ATAD2B: variants seen among roughly 807,000 people sequenced by gnomAD.
ATAD2B encodes the protein ATPase family AAA domain-containing protein 2B.
ATAD2B carries 40 observed loss-of-function variants against 167.6 expected under a neutral mutation model. The observed-to-expected ratio is 0.24, with a 90% CI of 0.19 to 0.31. ATAD2B has a LOEUF of 0.31. Ranked by LOEUF, ATAD2B falls within the 10% of genes least tolerant of loss-of-function variation. The pLI, the probability that ATAD2B is intolerant of heterozygous loss-of-function variation, is 1.00. For synonymous variants in ATAD2B, 579 were observed against 596.5 expected (o/e 0.97, Z 0.43); for missense variants, 1,242 against 1,757.2 (o/e 0.71, Z 5.24).
At chr2:23,813,244 T>C (rs1685891229) in intron 17 of ATAD2B, among the ~76,000 whole-genome samples, 1 of 151,272 alleles carries the variant, frequency 6.6e-6, no homozygotes, top group South Asian at 2.1e-4. Flanking sequence ...TACAATGAAA[T>C]AATTTATATG....
intron 13 of ATAD2B, among the ~76,000 whole-genome samples, chr2:23,851,545 A>C (rs1328798736): frequency 1.3e-5 from 2 of 152,216 alleles, no homozygotes; most frequent in Non-Finnish European, 2.9e-5. Flanking sequence ...CTGCCCCTTC[A>C]TATGTATACC....
chr2:23,804,400 CAGGAGGGGTCACTCT>C (rs1683997959), intron 18 of ATAD2B, among the ~76,000 whole-genome samples: 1 of 152,098 alleles, frequency 6.6e-6, no homozygotes, highest in Non-Finnish European at 1.5e-5. Flanking sequence ...ACTGCCTATC[CAGGAGGGGTCACTCT>C]AGAGTAAGCT....
the ATAD2B span, chr2:23,696,158 G>T: frequency 8.4e-6 from 13 of 1,545,470 alleles, no homozygotes; most frequent in South Asian, 1.2e-5. This position sits in a 1 kb window ranked among gnomAD's most constrained non-coding sequence, Gnocchi z 5.5. Flanking sequence ...GGTTGGGGCG[G>T]GACCAGGCAT....
At chr2:23,829,285 C>G (rs1352504707) in intron 14 of ATAD2B, among the ~76,000 whole-genome samples, 1 of 152,124 alleles carries the variant, frequency 6.6e-6, no homozygotes, top group Non-Finnish European at 1.5e-5. Flanking sequence ...ACCACTTTTA[C>G]TATTTGAAAA....
At chr2:23,862,387 T>A (rs1215235679) in intron 12 of ATAD2B, among the ~76,000 whole-genome samples, 1 of 150,942 alleles carries the variant, frequency 6.6e-6, no homozygotes, top group African/African-American at 2.4e-5. Flanking sequence ...AAAAGTGAAT[T>A]TATATTTGGA....
intron 1 of ATAD2B, among the ~76,000 whole-genome samples, chr2:23,921,100 G>T (rs1160345483): frequency 6.6e-6 from 1 of 150,480 alleles, no homozygotes; most frequent in East Asian, 2.0e-4. Context: ...CAGCTACTTG[G>T]GAGGCTGAGG....
In ATAD2B at chr2:23,885,836, T is replaced by C. The variant is rs1199113014; in HGVS notation, c.573-7A>G. The C allele has an allele frequency of 1.3e-6, 2 of 1,514,854 alleles. No individual in the cohort carries two copies. The highest frequency in any genetic ancestry group is 1.8e-6 in the Non-Finnish European group (2 of 1,109,620). 93.8% of individuals were successfully genotyped at this position (1,514,854 alleles called of 1,614,324 possible). The stretch of plus-strand genomic sequence containing the variant: ...TAGTACAGCTTCAGCAGTGCTACAA[T>C]CACATAATAAAATCAGGATTTAGAC... On this transcript the variant is annotated splice_polypyrimidine_tract_variant and splice_region_variant and intron_variant, in intron 4 of 27. Coordinates refer to ENST00000238789, the MANE Select transcript of ATAD2B (RefSeq NM_017552.4).
chr2:23,845,360 C>A (rs1691592061), intron 13 of ATAD2B, among the ~76,000 whole-genome samples: 1 of 151,804 alleles, frequency 6.6e-6, no homozygotes, highest in African/African-American at 2.4e-5. Flanking sequence ...TACTGTTCAG[C>A]AATAAAAAAG....
Position 23,926,588 on chromosome 2 carries a change from G to A in ATAD2B, c.183C>T (p.Ser61=). Residue 61 remains serine (S), a synonymous_variant, in exon 1 of 28, where the codon AGC becomes AGT. Transcript: ENST00000238789. The part of the protein sequence containing the change: ...ASCPAAKAGG[S]GGAGVTLDEA... ...CATCCAGAGTGACGCCGGCGCCACC[G>A]CTTCCCCCGGCTTTGGCGGCGGGGC... 3 of 1,557,640 alleles carry A rather than the reference G, an allele frequency of 1.9e-6. No homozygotes were observed. The highest frequency in any genetic ancestry group is 1.7e-6 in the Non-Finnish European group (2 of 1,152,476).
chr2:23,869,603 C>CA (rs762727865), intron 9 of ATAD2B, 60 bp downstream of exon 9: 88 of 1,209,526 alleles, frequency 7.3e-5, no homozygotes, highest in East Asian at 3.3e-4. Flanking sequence ...GAAAATCACT[C>CA]AAAAAAAACT....
the ATAD2B span, chr2:23,691,523 C>T: frequency 3.2e-6 from 2 of 628,846 alleles, no homozygotes; most frequent in Non-Finnish European, 5.6e-6. Flanking sequence ...GATCCCGTGT[C>T]ACAGCATTAG....
the ATAD2B span, among the ~76,000 whole-genome samples, chr2:23,720,060 G>C: frequency 1.3e-5 from 2 of 152,198 alleles, no homozygotes; most frequent in African/African-American, 4.8e-5. Flanking sequence ...GTAAACCTGG[G>C]CTTAAGGTGC....
At chr2:23,901,934 G>C (rs1231642915) in intron 1 of ATAD2B, among the ~76,000 whole-genome samples, 1 of 151,870 alleles carries the variant, frequency 6.6e-6, no homozygotes, top group Non-Finnish European at 1.5e-5. Flanking sequence ...AATAATCCAA[G>C]TATATAGTTA....
intron 1 of ATAD2B, among the ~76,000 whole-genome samples, chr2:23,903,036 C>G (rs1701017097): frequency 6.6e-6 from 1 of 151,916 alleles, no homozygotes. Context: ...GGAGTTCGAG[C>G]CCAGCCTGGG....
At position 23,751,590 on chromosome 2, in the gene ATAD2B, T is replaced by C. The variant is rs1675357966; in HGVS notation, c.*456A>G. ...AACAGGTTTCAGTCCATTACCCAGA[T>C]GGGGGAAAAATATGATTAAAGGGGT... On this transcript the variant is annotated 3_prime_UTR_variant, in exon 28 of 28. Transcript: ENST00000238789. 1 of 158,592 alleles carries C rather than the reference T, an allele frequency of 6.3e-6. No individual in the cohort carries two copies. The highest frequency in any genetic ancestry group is 1.9e-4 in the East Asian group (1 of 5,256). 9.8% of individuals were successfully genotyped at this position (158,592 alleles called of 1,614,324 possible).
At chr2:23,774,726 C>G (rs1014738166) in intron 22 of ATAD2B, among the ~76,000 whole-genome samples, 18 of 152,110 alleles carry the variant, frequency 1.2e-4, no homozygotes, top group African/African-American at 3.6e-4. Context: ...ATGGTGAAAC[C>G]CCGTCTCTAC....
chr2:23,708,541 T>C, the ATAD2B span: 211 of 152,334 alleles, frequency 1.4e-3, 3 homozygotes, highest in African/African-American at 4.8e-3. Context: ...GTAATGGTAT[T>C]GTACATAGTA....
intron 1 of ATAD2B, among the ~76,000 whole-genome samples, chr2:23,918,506 A>G (rs1703412168): frequency 6.6e-6 from 1 of 152,184 alleles, no homozygotes; most frequent in Non-Finnish European, 1.5e-5. Flanking sequence ...TCTCTGTACA[A>G]TATGCCTGCT....
At chr2:23,781,736 CT>C (rs112432597) in intron 22 of ATAD2B, among the ~76,000 whole-genome samples, 151 of 144,346 alleles carry the variant, frequency 1.0e-3, no homozygotes, top group African/African-American at 1.7e-3. Flanking sequence ...ACTGCTGTTT[CT>C]TTTTTTTTTT....
Sources: gnomAD v4.1 joint callset for allele counts (sites outside exome capture counted in the v4.1 genomes callset) on GRCh38, gnomAD v4.1.1 for gene constraint, Gnocchi (gnomAD v3.1) non-coding constraint, MANE v1.5 for transcripts, NCBI Gene and HGNC (gene_info 2026-07-23, HGNC 2026-07-21) for gene names.